Variants in RPS6KA3 observed in about 807,000 individuals in gnomAD.
The protein encoded by RPS6KA3 is ribosomal protein S6 kinase A3.
In RPS6KA3, 4 loss-of-function variants were observed where a neutral mutation model predicts 67.2. That is an observed-to-expected ratio of 0.06 (90% CI 0.03 to 0.14). RPS6KA3 has a LOEUF of 0.14. Among genes scored for constraint, RPS6KA3 ranks in the 10% least tolerant of loss-of-function variants. The probability of loss-of-function intolerance (pLI) is 1.00; values close to 1 mark genes in which losing one functional copy is unlikely to be tolerated. For synonymous variants in RPS6KA3, 182 were observed against 183.7 expected (o/e 0.99, Z 0.07); for missense variants, 204 against 559.0 (o/e 0.36, Z 6.40).
At chrX:20,175,365 T>A in intron 13 of RPS6KA3, 77 bp from the exon 14 acceptor site, 1 of 1,031,458 alleles carries the variant, frequency 9.7e-7, no homozygotes, top group Non-Finnish European at 1.4e-6. Context: ...CTATGACCTT[T>A]TTCACTTATT....
At position 20,167,642 on chromosome X, in the gene RPS6KA3, T is replaced by C. The variant is rs1220503066; in HGVS notation, c.1549A>G (p.Ser517Gly). Residue 517 changes from serine (S) to glycine (G), a missense_variant, in exon 17 of 22, where the codon AGT becomes GGT. Physicochemically the swap from Ser to Gly is moderately conservative, Grantham distance 56. Transcript: ENST00000379565. ...RQKFFSEREA[S>G]AVLFTITKTV... ...TTAGTTATAGTGAACAGGACAGCACTGGCCTCTCGTTCAGAGAAAAATTTT... is the reference window on the plus strand; with the variant it reads ...TTAGTTATAGTGAACAGGACAGCACCGGCCTCTCGTTCAGAGAAAAATTTT... 8.3e-7 allele frequency: 1 copy of C among 1,209,159 alleles called. No individual in the cohort carries two copies. The highest frequency in any genetic ancestry group is 1.1e-6 in the Non-Finnish European group (1 of 892,982).
intron 4 of RPS6KA3, among the ~76,000 whole-genome samples, chrX:20,200,100 AG>A (rs1200859850): frequency 1.8e-5 from 2 of 112,321 alleles, no homozygotes; most frequent in Non-Finnish European, 3.8e-5. Context: ...AATACAGAAA[AG>A]AAGTGAAGGA....
At chrX:20,178,636 CTT>C (rs757383642) in intron 10 of RPS6KA3, among the ~76,000 whole-genome samples, 2 of 39,442 alleles carry the variant, frequency 5.1e-5, no homozygotes, top group Non-Finnish European at 9.5e-5. Flanking sequence ...CCACACCTGG[CTT>C]TTTTTTTTTT....
At chrX:20,247,793 A>G in intron 1 of RPS6KA3, among the ~76,000 whole-genome samples, 1 of 102,069 alleles carries the variant, frequency 9.8e-6, no homozygotes. Context: ...TCTCAAAAGA[A>G]AAAAAAAAAA....
chrX:20,244,880 A>G (rs772387184), intron 1 of RPS6KA3, among the ~76,000 whole-genome samples: 2 of 112,555 alleles, frequency 1.8e-5, no homozygotes, highest in South Asian at 7.2e-4. Flanking sequence ...CAGATAAAAT[A>G]CTTCAAATTA....
intron 2 of RPS6KA3, among the ~76,000 whole-genome samples, chrX:20,219,942 C>A (rs964203423): frequency 9.0e-6 from 1 of 111,480 alleles, no homozygotes; most frequent in East Asian, 2.8e-4. Flanking sequence ...AATAAAAGCA[C>A]GGAATTTTCA....
Position 20,251,972 on chromosome X carries a change from T to C in RPS6KA3, c.69+14592A>G, listed in dbSNP as rs181795365. Among the ~76,000 whole-genome samples the C allele has an allele frequency of 9.2e-4, 103 of 112,400 alleles. 1 individual carries two copies. The highest frequency in any genetic ancestry group is 3.0e-3 in the African/African-American group (94 of 30,956). On this transcript the variant is annotated intron_variant, in intron 1 of 21. Transcript: ENST00000379565. ...CTGATGACATAAATGTTAAATCTTT[T>C]GTTAATGTTCACCAGGCTCTTGAGG...
rs868555805 is a variant in RPS6KA3, at chrX:20,152,827, G to A, written c.*2571C>T. 4.5e-5 allele frequency: 5 copies of A among 111,804 alleles called. No individual in the cohort carries two copies. Among genetic ancestry groups the A allele is most frequent in the Admixed American group, 9.5e-5 (1 of 10,515 alleles). The allele number at this position is 111,804 out of a possible 1,213,427, so 9.2% of individuals were successfully genotyped here. A position where few individuals can be genotyped will look rare whatever the true frequency, so the allele number is the denominator to read the frequency against. ...CTAGGCAAAGAAGGCAATTATCTTC[G>A]AAAGAAATAAAAGTTGGCATCACAT... On this transcript the variant is annotated 3_prime_UTR_variant, in exon 22 of 22. Transcript: ENST00000379565.
rs993877393 is a variant in RPS6KA3 at position 20,194,939 on chromosome X, CTT to C, written c.406+124_406+125del. On this transcript the variant is annotated intron_variant, in intron 5 of 21. Transcript: ENST00000379565. ...AGAAATAATGGCTTAATTTTCATGA[CTT>C]ATTACTATATAGATCTGCTAACCAC... The C allele has an allele frequency of 2.6e-5, 10 of 386,226 alleles. 1 individual carries two copies. The highest frequency in any genetic ancestry group is 2.3e-4 in the Admixed American group (5 of 22,156). 31.8% of individuals were successfully genotyped at this position (386,226 alleles called of 1,213,427 possible).
chrX:20,245,210 T>A (rs1011492841), intron 1 of RPS6KA3, among the ~76,000 whole-genome samples: 1 of 112,171 alleles, frequency 8.9e-6, no homozygotes, highest in African/African-American at 3.2e-5. Context: ...CTCTCCCAGC[T>A]TGAAAGTTTT....
At chrX:20,253,927 G>A (rs1387686164) in intron 1 of RPS6KA3, among the ~76,000 whole-genome samples, 1 of 110,750 alleles carries the variant, frequency 9.0e-6, no homozygotes, top group East Asian at 2.8e-4. Flanking sequence ...GGGAGGTGGT[G>A]GGCAGGAGAT....
chrX:20,265,206 C>T (rs779357799), intron 1 of RPS6KA3, among the ~76,000 whole-genome samples: 26 of 111,573 alleles, frequency 2.3e-4, no homozygotes, highest in Non-Finnish European at 4.3e-4. Context: ...ACTCTGCGTG[C>T]GTTAAGGAGA....
At chrX:20,261,157 G>C (rs756844296) in intron 1 of RPS6KA3, among the ~76,000 whole-genome samples, 10 of 109,937 alleles carry the variant, frequency 9.1e-5, no homozygotes, top group African/African-American at 2.0e-4. Flanking sequence ...GGTTACAGAG[G>C]GGGTGGGGGT....
rs1333946875 is a variant in RPS6KA3, at chrX:20,262,471, T to C, written c.69+4093A>G. Among the ~76,000 whole-genome samples, 7 of 112,220 alleles carry C rather than the reference T, an allele frequency of 6.2e-5. No homozygotes were observed. The East Asian group carries it at 1.1e-3, about 18-fold the overall frequency. The stretch of plus-strand genomic sequence containing the variant: ...CTAAAGAGAAGACAAAGTCTGCCTA[T>C]ATTTGCTCCTGCAATTAGATAAAAG... On this transcript the variant is annotated intron_variant, in intron 1 of 21. Transcript: ENST00000379565.
intron 2 of RPS6KA3, among the ~76,000 whole-genome samples, chrX:20,217,803 T>C (rs2068893438): frequency 8.9e-6 from 1 of 112,329 alleles, no homozygotes; most frequent in South Asian, 3.6e-4. Context: ...TCTTTGTAGA[T>C]GATCAAGATA....
rs2148622374 is a variant in RPS6KA3, at chrX:20,155,370, T to C, written c.*28A>G. ...GAACTTGTGCTATCAGCTTACACCA[T>C]GGTACCAAATATCTCACTGAGGTCA... On this transcript the variant is annotated 3_prime_UTR_variant, in exon 22 of 22. Transcript: ENST00000379565. The C allele has an allele frequency of 8.3e-7, 1 of 1,207,218 alleles. No homozygotes were observed. Among genetic ancestry groups the C allele is most frequent in the East Asian group, 3.0e-5 (1 of 33,702 alleles).
rs766544803 is a variant in RPS6KA3 at position 20,255,789 on chromosome X, C to CAA, written c.69+10773_69+10774dup. On this transcript the variant is annotated intron_variant, in intron 1 of 21. Transcript: ENST00000379565. ...TGGGCAATAGAGCAAAATTTCGTCT[C>CAA]AAAAAAAAAAAAAAAAAAAAAAAAA... 4.4e-3 allele frequency among the ~76,000 whole-genome samples: 75 copies of CAA among 17,155 alleles called. 5 individuals are homozygous for CAA. Among genetic ancestry groups the CAA allele is most frequent in the African/African-American group, 0.021 (68 of 3,293 alleles). The allele number at this position is 17,155 out of a possible 115,157, so 14.9% of individuals were successfully genotyped here.
intron 3 of RPS6KA3, among the ~76,000 whole-genome samples, chrX:20,208,726 G>A: frequency 9.0e-6 from 1 of 111,401 alleles, no homozygotes; most frequent in East Asian, 2.8e-4. Flanking sequence ...GCCTTCTGGA[G>A]GAATTTTCCT....
intron 4 of RPS6KA3, among the ~76,000 whole-genome samples, chrX:20,201,103 T>C (rs1445547932): frequency 8.9e-6 from 1 of 111,880 alleles, no homozygotes; most frequent in Non-Finnish European, 1.9e-5. Flanking sequence ...CGCAGGTTAA[T>C]GTAGCAGCAA....
Sources: gnomAD v4.1 joint callset for allele counts (sites outside exome capture counted in the v4.1 genomes callset) on GRCh38, gnomAD v4.1.1 for gene constraint, MANE v1.5 for transcripts, NCBI Gene and HGNC (gene_info 2026-07-23, HGNC 2026-07-21) for gene names.